PLPPR4: variants seen among roughly 807,000 people sequenced by gnomAD.
PLPPR4 encodes the protein phospholipid phosphatase related 4.
A neutral mutation model predicts 56.6 loss-of-function variants in PLPPR4; 24 were observed. That is an observed-to-expected ratio of 0.42 (90% CI 0.31 to 0.60). The LOEUF (loss-of-function observed/expected upper bound fraction) is 0.60. Among genes scored for constraint, PLPPR4 ranks in the 20% least tolerant of loss-of-function variants. PLPPR4 has a pLI of 0.13. For missense variants in PLPPR4, 654 were observed against 885.8 expected, an observed-to-expected ratio of 0.74 and a Z score of 3.32; for synonymous variants, 326 against 328.1, an observed-to-expected ratio of 0.99 and a Z score of 0.07.
Position 99,301,712 on chromosome 1 carries a change from T to A in PLPPR4, c.649-12T>A. 6.3e-7 allele frequency: 1 copy of A among 1,590,916 alleles called. No individual in the cohort carries two copies. Among genetic ancestry groups the A allele is most frequent in the Non-Finnish European group, 8.6e-7 (1 of 1,166,388 alleles). On this transcript the variant is annotated splice_polypyrimidine_tract_variant and intron_variant, in intron 5 of 6. Coordinates refer to ENST00000370185, the MANE Select transcript of PLPPR4 (RefSeq NM_014839.5). ...TTTCTAACATACTTAACCCATTTCT[T>A]CCATTTTTAAGATGTACTTCAATTC...
At chr1:99,284,231 A>G (rs1393872660) in intron 1 of PLPPR4, among the ~76,000 whole-genome samples, 2 of 152,226 alleles carry the variant, frequency 1.3e-5, no homozygotes, top group African/African-American at 4.8e-5. Context: ...AAAGATAAAA[A>G]GGTAACTCTG....
intron 1 of PLPPR4, among the ~76,000 whole-genome samples, chr1:99,273,846 G>A (rs1351931101): frequency 6.6e-6 from 1 of 152,048 alleles, no homozygotes; most frequent in African/African-American, 2.4e-5. Flanking sequence ...AGCTGGTGGA[G>A]ACATTTTTAT....
chr1:99,263,196 T>G (rs1658804522), upstream of PLPPR4, among the ~76,000 whole-genome samples: 1 of 152,140 alleles, frequency 6.6e-6, no homozygotes, highest in Non-Finnish European at 1.5e-5. Context: ...TGAGACAGCA[T>G]CATGCGGTTG....
At chr1:99,270,310 G>A (rs371236130) in intron 1 of PLPPR4, among the ~76,000 whole-genome samples, 14 of 152,280 alleles carry the variant, frequency 9.2e-5, no homozygotes, top group African/African-American at 2.4e-4. Context: ...ACAGGCATGA[G>A]CCACTGCACC....
chr1:99,269,988 T>A (rs906569538), intron 1 of PLPPR4, among the ~76,000 whole-genome samples: 6 of 146,336 alleles, frequency 4.1e-5, no homozygotes, highest in African/African-American at 1.5e-4. Context: ...CAGAAAGTTT[T>A]CATTCCTTTT....
chr1:99,297,643 A>C (rs1442807574), intron 3 of PLPPR4, among the ~76,000 whole-genome samples: 1 of 152,150 alleles, frequency 6.6e-6, no homozygotes, highest in African/African-American at 2.4e-5. Context: ...CTTAATCCCT[A>C]GTAGATAATT....
intron 1 of PLPPR4, among the ~76,000 whole-genome samples, chr1:99,277,350 G>A (rs1659213967): frequency 6.6e-6 from 1 of 152,140 alleles, no homozygotes; most frequent in African/African-American, 2.4e-5. Context: ...GGCACCAATT[G>A]AATGGAAAGT....
rs773771981 is a variant in PLPPR4 at position 99,306,124 on chromosome 1, C to T, written c.1262C>T (p.Pro421Leu). ...TCCTTGCAAGTTATAGAGCCTGAGC[C>T]TGGGCAGTCACCACCCAGATCCATA... is the stretch of plus-strand genomic sequence containing the variant. Reference protein sequence around the residue: ...KLSLQVIEPEPGQSPPRSIEM... With the variant: ...KLSLQVIEPELGQSPPRSIEM... The change falls in exon 7 of 7, where the codon CCT (proline) becomes CTT (leucine). Residue 421 changes from proline to leucine, a missense_variant. By Grantham distance (98) the Pro-to-Leu change is moderately conservative (BLOSUM62 -3). Transcript: ENST00000370185. This position sits in a 1 kb window ranked among gnomAD's most constrained non-coding sequence, Gnocchi z 4.0. The T allele has an allele frequency of 5.0e-6, 8 of 1,614,000 alleles. No homozygotes were observed. The highest frequency in any genetic ancestry group is 6.8e-6 in the Non-Finnish European group (8 of 1,180,012).
intron 2 of PLPPR4, among the ~76,000 whole-genome samples, chr1:99,289,666 G>A (rs1329350442): frequency 2.0e-5 from 3 of 151,598 alleles, no homozygotes; most frequent in African/African-American, 7.3e-5. Context: ...ATTTTACCAG[G>A]GCAGAAAAAC....
intron 1 of PLPPR4, among the ~76,000 whole-genome samples, chr1:99,266,599 C>T (rs1361659206): frequency 6.6e-6 from 1 of 152,202 alleles, no homozygotes; most frequent in African/African-American, 2.4e-5. Flanking sequence ...TTACTTTGGC[C>T]TATTCAGATA....
At position 99,288,160 on chromosome 1, in the gene PLPPR4, A is replaced by G. The variant is rs749316068; in HGVS notation, c.264+10A>G. The stretch of plus-strand genomic sequence containing the variant: ...TGGACCTGCAATTACGGTAAGAATT[A>G]CCCCCAAAATTGTGTTTATCTGTCC... On this transcript the variant is annotated intron_variant, in intron 2 of 6. Coordinates refer to ENST00000370185, the MANE Select transcript of PLPPR4 (RefSeq NM_014839.5). The G allele has an allele frequency of 1.2e-6, 2 of 1,611,952 alleles. No homozygotes were observed. Among genetic ancestry groups the G allele is most frequent in the Non-Finnish European group, 8.5e-7 (1 of 1,178,842 alleles).
intron 1 of PLPPR4, among the ~76,000 whole-genome samples, chr1:99,283,259 G>A (rs1374378693): frequency 6.6e-6 from 1 of 152,092 alleles, no homozygotes; most frequent in African/African-American, 2.4e-5. Context: ...GGCTATGAGA[G>A]AGGCAAAGAA....
At chr1:99,281,040 T>C (rs1659311062) in intron 1 of PLPPR4, among the ~76,000 whole-genome samples, 1 of 152,154 alleles carries the variant, frequency 6.6e-6, no homozygotes, top group African/African-American at 2.4e-5. Flanking sequence ...GAATAGAGAT[T>C]TTTTTAAAGG....
chr1:99,288,166 A>G lies in PLPPR4; in HGVS notation c.264+16A>G, dbSNP rs1659519566. 6.2e-7 allele frequency: 1 copy of G among 1,610,734 alleles called. No homozygotes were observed. The highest frequency in any genetic ancestry group is 8.5e-7 in the Non-Finnish European group (1 of 1,178,202). On this transcript the variant is annotated intron_variant, in intron 2 of 6. Transcript: ENST00000370185. ...TGCAATTACGGTAAGAATTACCCCC[A>G]AAATTGTGTTTATCTGTCCTGGAAA... is the stretch of plus-strand genomic sequence containing the variant.
Position 99,264,706 on chromosome 1 carries a change from C to A in PLPPR4, c.78+35C>A, listed in dbSNP as rs375398543. The A allele has an allele frequency of 3.2e-4, 490 of 1,544,404 alleles. 2 individuals are homozygous for A. The African/African-American group carries it at 3.3e-3, about 10-fold the overall frequency. On this transcript the variant is annotated intron_variant, in intron 1 of 6. Transcript: ENST00000370185. ...CCCAGTGCCTTGGCATAATGCAGAT[C>A]CTCTGGGCATCTCCTGAGCGAATTC...
Position 99,288,084 on chromosome 1 carries a change from A to G in PLPPR4, c.198A>G (p.Glu66=). Residue 66 remains glutamate (E), a synonymous_variant, in exon 2 of 7, where the codon GAA becomes GAG. Coordinates refer to ENST00000370185, the MANE Select transcript of PLPPR4 (RefSeq NM_014839.5). ...YDRSLSMPYI[E]PTQEAIPFLM... is the part of the protein sequence containing the mutation. ...GGAGTCTTAGCATGCCGTACATTGA[A>G]CCAACCCAGGAGGCAATTCCATTCC... is the stretch of plus-strand genomic sequence containing the variant. 1 of 1,613,898 alleles carries G rather than the reference A, an allele frequency of 6.2e-7. No homozygotes were observed.
intron 1 of PLPPR4, among the ~76,000 whole-genome samples, chr1:99,283,547 CT>C (rs1310809298): frequency 6.6e-6 from 1 of 152,164 alleles, no homozygotes; most frequent in Non-Finnish European, 1.5e-5. Context: ...TATAATTTTT[CT>C]TCTGGTTCCT....
At chr1:99,271,219 T>C (rs1394803042) in intron 1 of PLPPR4, among the ~76,000 whole-genome samples, 1 of 152,214 alleles carries the variant, frequency 6.6e-6, no homozygotes, top group Non-Finnish European at 1.5e-5. Context: ...ACTCTCTAGA[T>C]ACATTACTTT....
At chr1:99,266,741 T>C (rs1360385607) in intron 1 of PLPPR4, among the ~76,000 whole-genome samples, 2 of 152,334 alleles carry the variant, frequency 1.3e-5, no homozygotes, top group Middle Eastern at 3.4e-3. Context: ...CACAATTGGA[T>C]TGCAAATTAT....
Sources: allele counts gnomAD v4.1 joint callset (sites outside exome capture counted in the v4.1 genomes callset), GRCh38; gene constraint gnomAD v4.1.1; non-coding constraint Gnocchi (gnomAD v3.1); transcripts MANE v1.5; gene names NCBI Gene and HGNC (gene_info 2026-07-23, HGNC 2026-07-21).